HABP4: variants seen among roughly 807,000 people sequenced by gnomAD.
HABP4 encodes hyaluronan binding protein 4.
A neutral mutation model predicts 44.1 loss-of-function variants in HABP4; 32 were observed. The observed-to-expected ratio is 0.73, with a 90% CI of 0.55 to 0.97. The LOEUF (loss-of-function observed/expected upper bound fraction) is 0.97. HABP4 is among the 50% of genes least tolerant of loss of function. The pLI is 0.00. For synonymous variants in HABP4, 216 were observed against 218.0 expected, an observed-to-expected ratio of 0.99 and a Z score of 0.08; for missense variants, 503 against 561.9, an observed-to-expected ratio of 0.90 and a Z score of 1.06.
intron 5 of HABP4, among the ~76,000 whole-genome samples, chr9:96,472,744 G>A (rs1218816833): frequency 2.0e-5 from 3 of 152,086 alleles, no homozygotes; most frequent in Admixed American, 6.5e-5. Context: ...CACATTCTCC[G>A]TCAGCTGCCT....
intron 5 of HABP4, among the ~76,000 whole-genome samples, chr9:96,480,197 C>CT (rs1252429649): frequency 6.6e-6 from 1 of 151,878 alleles, no homozygotes; most frequent in African/African-American, 2.4e-5. Context: ...AACAAAAAAA[C>CT]TATCTATCTC....
At chr9:96,485,574 T>G (rs527972410) in intron 6 of HABP4, among the ~76,000 whole-genome samples, 1 of 152,360 alleles carries the variant, frequency 6.6e-6, no homozygotes, top group African/African-American at 2.4e-5. Flanking sequence ...GCTCACGGCT[T>G]ACGTCCAGCT....
chr9:96,457,594 G>A (rs1214526729), intron 1 of HABP4, among the ~76,000 whole-genome samples: 1 of 152,188 alleles, frequency 6.6e-6, no homozygotes, highest in African/African-American at 2.4e-5. Context: ...TTGGCCAGGC[G>A]CTGAGGCTCA....
chr9:96,462,296 A>G (rs1832513923), intron 2 of HABP4, among the ~76,000 whole-genome samples: 1 of 151,870 alleles, frequency 6.6e-6, no homozygotes, highest in Non-Finnish European at 1.5e-5. Flanking sequence ...TACTAAAAAT[A>G]CAAAATTAGC....
chr9:96,481,341 C>T (rs886646481), intron 5 of HABP4, among the ~76,000 whole-genome samples: 1 of 152,154 alleles, frequency 6.6e-6, no homozygotes, highest in Non-Finnish European at 1.5e-5. Context: ...ATCCACCTGC[C>T]TCGGCCTCCC....
intron 6 of HABP4, among the ~76,000 whole-genome samples, chr9:96,485,848 C>A (rs1043369661): frequency 6.6e-6 from 1 of 152,048 alleles, no homozygotes; most frequent in African/African-American, 2.4e-5. Context: ...CATGTGGAAT[C>A]TCAGGAATGT....
chr9:96,462,659 C>CTTAT (rs1832524431), intron 2 of HABP4, among the ~76,000 whole-genome samples: 1 of 151,450 alleles, frequency 6.6e-6, no homozygotes, highest in South Asian at 2.1e-4. Context: ...GGCACAGTGG[C>CTTAT]TTATACCCGT....
intron 6 of HABP4, among the ~76,000 whole-genome samples, chr9:96,487,469 G>A (rs1027089185): frequency 6.6e-6 from 1 of 152,176 alleles, no homozygotes; most frequent in African/African-American, 2.4e-5. Flanking sequence ...TTTGTGCAGT[G>A]TTGGTAGAAC....
At chr9:96,469,194 A>C (rs911343072) in intron 4 of HABP4, among the ~76,000 whole-genome samples, 4 of 152,246 alleles carry the variant, frequency 2.6e-5, no homozygotes, top group Non-Finnish European at 5.9e-5. Context: ...ATAATTTAAA[A>C]AGTGTATCAG....
rs1222222498 is a variant in HABP4 at position 96,459,364 on chromosome 9, G to GAAGTACTCTA, written c.512+825_512+834dup. On this transcript the variant is annotated intron_variant, in intron 2 of 7. Coordinates refer to ENST00000375249, the MANE Select transcript of HABP4 (RefSeq NM_014282.4). ...TTTCTGGAGGGCATGGCTGCTCTCC[G>GAAGTACTCTA]AAGTACTCTAACATGGACAGAAGTC... Among the ~76,000 whole-genome samples, 2 of 152,098 alleles carry GAAGTACTCTA rather than the reference G, an allele frequency of 1.3e-5. 1 individual carries two copies. Among genetic ancestry groups the GAAGTACTCTA allele is most frequent in the Admixed American group, 1.3e-4 (2 of 15,258 alleles).
Position 96,484,452 on chromosome 9 carries a change from C to T in HABP4, c.828-10C>T. On this transcript the variant is annotated splice_polypyrimidine_tract_variant and intron_variant, in intron 5 of 7. Transcript: ENST00000375249. Reference sequence around the variant, plus strand: ...AAAAGTATTCTTTATGATTATATATCTCTTTATAGAGTTCCTGAGTTGGAG... The same window carrying T: ...AAAAGTATTCTTTATGATTATATATTTCTTTATAGAGTTCCTGAGTTGGAG... 1 of 1,286,782 alleles carries T rather than the reference C, an allele frequency of 7.8e-7. No homozygotes were observed. The highest frequency in any genetic ancestry group is 1.5e-5 in the African/African-American group (1 of 67,710). 79.7% of individuals were successfully genotyped at this position (1,286,782 alleles called of 1,614,324 possible). A position where few individuals can be genotyped will look rare whatever the true frequency, so the allele number is the denominator to read the frequency against.
At chr9:96,453,098 T>G (rs1292168727) in intron 1 of HABP4, among the ~76,000 whole-genome samples, 1 of 145,016 alleles carries the variant, frequency 6.9e-6, no homozygotes, top group East Asian at 2.0e-4. Context: ...TTTTTTTTTT[T>G]TTTTTTTTTT....
Position 96,490,150 on chromosome 9 carries a change from G to C in HABP4, c.*112G>C. On this transcript the variant is annotated 3_prime_UTR_variant, in exon 8 of 8. Transcript: ENST00000375249. ...GAACAATAGATGTTGCTTTTCCCGT[G>C]TCATGTAAATTTGTTGCACTTTTTT... 1 of 732,602 alleles carries C rather than the reference G, an allele frequency of 1.4e-6. No homozygotes were observed. Among genetic ancestry groups the C allele is most frequent in the Admixed American group, 2.0e-5 (1 of 49,854 alleles). The allele number at this position is 732,602 out of a possible 1,614,324, so 45.4% of individuals were successfully genotyped here.
intron 6 of HABP4, among the ~76,000 whole-genome samples, chr9:96,485,359 G>A (rs373305633): frequency 1.3e-5 from 2 of 152,206 alleles, no homozygotes; most frequent in East Asian, 1.9e-4. Flanking sequence ...CCGAGTAGTT[G>A]ATGACTTTTT....
At position 96,465,428 on chromosome 9, in the gene HABP4, AAC is replaced by A. The variant is rs780741960; in HGVS notation, c.606_607del (p.Asn202LysfsTer4). 1 of 1,612,288 alleles carries A rather than the reference AAC, an allele frequency of 6.2e-7. No individual in the cohort carries two copies. Among genetic ancestry groups the A allele is most frequent in the South Asian group, 1.1e-5 (1 of 91,044 alleles). On this transcript the variant is annotated frameshift_variant, in exon 3 of 8. Coordinates refer to ENST00000375249, the MANE Select transcript of HABP4 (RefSeq NM_014282.4). LOFTEE classifies it high-confidence loss of function. ...CGGCAGAGGCAGAGGTGGCCCTGGG[AAC>A]AGAGTTTTTGACGCTTTTGACCAGA... Reference protein sequence around the residue: ...MRGRGRGGPGNRVFDAFDQRG... With the variant: ...MRGRGRGGPGXRVFDAFDQRG...
chr9:96,451,364 T>G, intron 1 of HABP4: 2 of 350,588 alleles, frequency 5.7e-6, no homozygotes, highest in Non-Finnish European at 8.0e-6. Flanking sequence ...CGTGGTGTCC[T>G]GCTGCCTGTG....
chr9:96,479,574 ATCTCAGTTCACTGC>A (rs1832842529), intron 5 of HABP4, among the ~76,000 whole-genome samples: 1 of 151,854 alleles, frequency 6.6e-6, no homozygotes, highest in Admixed American at 6.6e-5. Context: ...CAGTGATGCA[ATCTCAGTTCACTGC>A]AACCTCCGCC....
At chr9:96,477,265 T>G (rs143967452) in intron 5 of HABP4, among the ~76,000 whole-genome samples, 1 of 152,228 alleles carries the variant, frequency 6.6e-6, no homozygotes, top group Admixed American at 6.5e-5. Context: ...CTGTCACAAG[T>G]AGGCTAAAGA....
chr9:96,456,821 A>C (rs1289952111), intron 1 of HABP4, among the ~76,000 whole-genome samples: 30 of 123,688 alleles, frequency 2.4e-4, no homozygotes, highest in South Asian at 5.4e-4. Context: ...ATATATATAT[A>C]TCCATTAACT....
Sources: gnomAD v4.1 joint callset for allele counts (sites outside exome capture counted in the v4.1 genomes callset) on GRCh38, gnomAD v4.1.1 for gene constraint, MANE v1.5 for transcripts, NCBI Gene and HGNC (gene_info 2026-07-23, HGNC 2026-07-21) for gene names.